Variants in MYBPC1 observed in about 807,000 individuals in gnomAD.
MYBPC1 encodes the protein myosin-binding protein C, slow-type.
Under a neutral mutation model 147.1 loss-of-function variants are expected in MYBPC1, and 52 were observed. That is an observed-to-expected ratio of 0.35 (90% CI 0.28 to 0.45). The LOEUF (loss-of-function observed/expected upper bound fraction) is 0.45, where lower values mean the gene tolerates loss of function less well. Ranked by LOEUF, MYBPC1 falls within the 20% of genes least tolerant of loss-of-function variation. The pLI is 1.00. For missense variants in MYBPC1, 1,228 were observed against 1,440.3 expected, an observed-to-expected ratio of 0.85 and a Z score of 2.39; for synonymous variants, 477 against 475.9, an observed-to-expected ratio of 1.00 and a Z score of -0.03.
At chr12:101,677,924 C>A (rs112591177) in intron 27 of MYBPC1, among the ~76,000 whole-genome samples, 178 bp from the exon 28 acceptor site, 2 of 152,346 alleles carry the variant, frequency 1.3e-5, no homozygotes, top group Admixed American at 6.5e-5. Context: ...TTCTATCCCA[C>A]GTGTGATTGG....
intron 28 of MYBPC1, among the ~76,000 whole-genome samples, chr12:101,679,233 G>A (rs1415329658): frequency 6.6e-6 from 1 of 152,030 alleles, no homozygotes; most frequent in Non-Finnish European, 1.5e-5. Flanking sequence ...ACTTGGAAAT[G>A]ATGTTGGTAC....
chr12:101,627,634 C>A (rs150731069), intron 4 of MYBPC1, 135 bp from the exon 5 acceptor site: 1 of 933,850 alleles, frequency 1.1e-6, no homozygotes, highest in Non-Finnish European at 1.8e-6. Context: ...TCCATCCAAG[C>A]CAACTTGTAG....
intron 10 of MYBPC1, among the ~76,000 whole-genome samples, chr12:101,638,405 G>T (rs1006650729): frequency 6.6e-6 from 1 of 152,118 alleles, no homozygotes; most frequent in Non-Finnish European, 1.5e-5. Flanking sequence ...ATGTGACTTT[G>T]GTCAAATATT....
At chr12:101,627,952 A>G in intron 5 of MYBPC1, 148 bp downstream of exon 5, 2 of 926,132 alleles carry the variant, frequency 2.2e-6, no homozygotes, top group Non-Finnish European at 3.4e-6. Context: ...CTCTTACAAG[A>G]AAACTAATGT....
At position 101,661,352 on chromosome 12, in the gene MYBPC1, A is replaced by G; in HGVS notation, c.2032+90A>G. 5 of 818,188 alleles carry G rather than the reference A, an allele frequency of 6.1e-6. No individual in the cohort carries two copies. In the Admixed American group the frequency reaches 8.1e-5, roughly 13 times the overall value. 50.7% of individuals were successfully genotyped at this position (818,188 alleles called of 1,614,324 possible). ...TACAGAGCACATTTTAAAGTATTGC[A>G]TTTAGAAGAAAACCTATTTTACTGT... On this transcript the variant is annotated intron_variant, in intron 20 of 31. Transcript: ENST00000361466.
chr12:101,652,868 C>A, intron 17 of MYBPC1, 84 bp downstream of exon 17: 1 of 1,279,212 alleles, frequency 7.8e-7, no homozygotes. Flanking sequence ...ATATTCAAAA[C>A]TAAGTGACAT....
chr12:101,645,187 A>G (rs1892824299), intron 12 of MYBPC1, among the ~76,000 whole-genome samples: 1 of 152,208 alleles, frequency 6.6e-6, no homozygotes. Context: ...TGCTTTTCCA[A>G]AATAACGACT....
intron 25 of MYBPC1, among the ~76,000 whole-genome samples, chr12:101,674,456 G>A (rs1256827645): frequency 6.6e-6 from 1 of 152,068 alleles, no homozygotes; most frequent in African/African-American, 2.4e-5. Flanking sequence ...ATACGTACCT[G>A]CCCAAAAAAT....
At chr12:101,624,549 G>A (rs778389725) in intron 3 of MYBPC1, among the ~76,000 whole-genome samples, 92 of 152,138 alleles carry the variant, frequency 6.0e-4, no homozygotes, top group Non-Finnish European at 2.8e-4. Flanking sequence ...GTACAGTGGC[G>A]TGATGATGGC....
At chr12:101,617,301 G>T (rs1488450126) in intron 3 of MYBPC1, 58 bp downstream of exon 3, 1 of 1,554,624 alleles carries the variant, frequency 6.4e-7, no homozygotes, top group Non-Finnish European at 8.9e-7. Context: ...GCAGAAAGAA[G>T]TCAGTAATGA....
chr12:101,617,342 C>A, intron 3 of MYBPC1, 99 bp downstream of exon 3: 1 of 1,281,862 alleles, frequency 7.8e-7, no homozygotes, highest in South Asian at 1.2e-5. Context: ...AATTTCTCTG[C>A]ATTATCTTTC....
At chr12:101,631,809 C>T (rs76933014) in intron 7 of MYBPC1, 90 bp downstream of exon 7, 34,158 of 1,575,320 alleles carry the variant, frequency 0.022, 458 homozygotes, top group Non-Finnish European at 0.026. Context: ...CTTTGAGAGA[C>T]TTCAGTTCCA....
intron 3 of MYBPC1, among the ~76,000 whole-genome samples, chr12:101,617,581 T>G (rs984108923): frequency 2.2e-4 from 32 of 148,100 alleles, no homozygotes; most frequent in Admixed American, 1.6e-3. Flanking sequence ...GAAAATTATC[T>G]GAATTACCCG....
chr12:101,693,409 C>T, the MYBPC1 span, among the ~76,000 whole-genome samples: 2 of 152,110 alleles, frequency 1.3e-5, no homozygotes, highest in East Asian at 1.9e-4. Context: ...AGCTTGATGG[C>T]CCCCCACAAT....
chr12:101,692,374 C>T, the MYBPC1 span, among the ~76,000 whole-genome samples: 3 of 152,128 alleles, frequency 2.0e-5, no homozygotes, highest in African/African-American at 7.2e-5. Flanking sequence ...CAAAAGTACC[C>T]ACTAAAGTCC....
At chr12:101,651,804 G>C (rs376523555) in intron 16 of MYBPC1, among the ~76,000 whole-genome samples, 80 of 152,116 alleles carry the variant, frequency 5.3e-4, no homozygotes, top group African/African-American at 1.9e-3. Context: ...GCCAGGCGTG[G>C]TGGCATGCAC....
At chr12:101,649,476 T>C in intron 15 of MYBPC1, 50 bp downstream of exon 15, 1 of 1,594,854 alleles carries the variant, frequency 6.3e-7, no homozygotes, top group Non-Finnish European at 8.6e-7. Flanking sequence ...TTAATGATGG[T>C]TGTGTTAATT....
At chr12:101,663,626 T>C in intron 22 of MYBPC1, 66 bp downstream of exon 22, 1 of 1,544,094 alleles carries the variant, frequency 6.5e-7, no homozygotes, top group Non-Finnish European at 8.9e-7. Context: ...CTCCCCTTTC[T>C]TTTGTCTCTC....
At chr12:101,672,205 T>C (rs746531051) in intron 24 of MYBPC1, among the ~76,000 whole-genome samples, 1 of 152,200 alleles carries the variant, frequency 6.6e-6, no homozygotes, top group Admixed American at 6.5e-5. Flanking sequence ...CTGCTTCCCA[T>C]GTGTGAGTCT....
Sources: gnomAD v4.1 joint callset for allele counts (sites outside exome capture counted in the v4.1 genomes callset) on GRCh38, gnomAD v4.1.1 for gene constraint, MANE v1.5 for transcripts, NCBI Gene and HGNC (gene_info 2026-07-23, HGNC 2026-07-21) for gene names.